CD244: variants seen among roughly 807,000 people sequenced by gnomAD.
CD244 encodes CD244 molecule, also known as natural killer cell receptor 2B4.
In CD244, 20 loss-of-function variants were observed where a neutral mutation model predicts 45.5. The ratio of observed to expected loss-of-function variants is 0.44; its 90% confidence interval spans 0.31 to 0.64. CD244 has a LOEUF of 0.64. Ranked by LOEUF, CD244 falls within the 30% of genes least tolerant of loss-of-function variation. The probability of loss-of-function intolerance (pLI) is 0.08; values close to 1 mark genes in which losing one functional copy is unlikely to be tolerated. For missense variants in CD244, 407 were observed against 426.9 expected (o/e 0.95, Z 0.41); for synonymous variants, 185 against 160.5 (o/e 1.15, Z -1.15).
chr1:160,862,123 G>A (rs950011530), intron 1 of CD244, among the ~76,000 whole-genome samples: 15 of 152,156 alleles, frequency 9.9e-5, no homozygotes, highest in African/African-American at 3.1e-4. Context: ...TGAAGAAGCC[G>A]GGGAGATGAG....
chr1:160,840,823 G>A (rs1669515297), intron 3 of CD244, among the ~76,000 whole-genome samples: 1 of 152,182 alleles, frequency 6.6e-6, no homozygotes. Flanking sequence ...CTGCTGCACA[G>A]TGTAGTTACC....
chr1:160,841,125 C>T, intron 3 of CD244, 85 bp downstream of exon 3: 1 of 1,369,668 alleles, frequency 7.3e-7, no homozygotes, highest in Non-Finnish European at 1.0e-6. Flanking sequence ...GGGATTTTAT[C>T]TCATACCACA....
Position 160,862,743 on chromosome 1 carries a change from C to T in CD244, c.-66G>A. The T allele has an allele frequency of 7.0e-7, 1 of 1,425,680 alleles. No individual in the cohort carries two copies. The highest frequency in any genetic ancestry group is 9.8e-7 in the Non-Finnish European group (1 of 1,018,620). 88.3% of individuals were successfully genotyped at this position (1,425,680 alleles called of 1,614,324 possible). ...CCAGACTCTCTGCCGTGCACGGGCT[C>T]AGCAGTCCCCAGTCAGCAAGAGGAC... On this transcript the variant is annotated 5_prime_UTR_variant, in exon 1 of 9. Coordinates refer to ENST00000368034, the MANE Select transcript of CD244 (RefSeq NM_016382.4).
rs189590359 is a variant in CD244 at position 160,834,356 on chromosome 1, T to G, written c.895-240A>C. Among the ~76,000 whole-genome samples the G allele has an allele frequency of 6.2e-4, 95 of 152,296 alleles. 1 individual carries two copies. Among genetic ancestry groups the G allele is most frequent in the Admixed American group, 2.3e-3 (35 of 15,296 alleles). ...ACATGTATTCTCCTCTAACTGTTTT[T>G]TTGTTTATTTGTTTTTGAGACAAGA... On this transcript the variant is annotated intron_variant, in intron 6 of 8. Coordinates refer to ENST00000368034, the MANE Select transcript of CD244 (RefSeq NM_016382.4).
chr1:160,850,294 G>T (rs913995987), intron 1 of CD244, among the ~76,000 whole-genome samples: 16 of 152,022 alleles, frequency 1.1e-4, no homozygotes, highest in Admixed American at 2.0e-4. Flanking sequence ...TACACCTATT[G>T]CAACAAAAGA....
At chr1:160,856,022 G>A (rs1054455923) in intron 1 of CD244, among the ~76,000 whole-genome samples, 2 of 152,184 alleles carry the variant, frequency 1.3e-5, no homozygotes, top group Non-Finnish European at 2.9e-5. Flanking sequence ...GGGTCTCAGA[G>A]CAAGTGGAAT....
chr1:160,851,411 A>C (rs1669914954), intron 1 of CD244, among the ~76,000 whole-genome samples: 1 of 152,176 alleles, frequency 6.6e-6, no homozygotes, highest in African/African-American at 2.4e-5. Context: ...TTGAAAACCA[A>C]ATATATATTT....
At chr1:160,849,587 G>A (rs1034516932) in intron 1 of CD244, among the ~76,000 whole-genome samples, 3 of 152,130 alleles carry the variant, frequency 2.0e-5, no homozygotes, top group Admixed American at 6.6e-5. Context: ...TGCTGAGAAC[G>A]ATGGCTTCCA....
intron 1 of CD244, among the ~76,000 whole-genome samples, chr1:160,854,794 T>C (rs1670049785): frequency 6.6e-6 from 1 of 152,170 alleles, no homozygotes; most frequent in Non-Finnish European, 1.5e-5. Context: ...TTTTATGTAA[T>C]ATTATATTAG....
At chr1:160,838,075 G>A (rs1262267688) in intron 5 of CD244, among the ~76,000 whole-genome samples, 1 of 152,224 alleles carries the variant, frequency 6.6e-6, no homozygotes, top group African/African-American at 2.4e-5. Flanking sequence ...CCCAGCCTGT[G>A]TCACCATTAA....
In CD244 at chr1:160,841,684, G is replaced by A; in HGVS notation, c.279C>T (p.Leu93=). 1 of 1,614,184 alleles carries A rather than the reference G, an allele frequency of 6.2e-7. No homozygotes were observed. The change falls in exon 2 of 9, where the codon CTC becomes CTT. Residue 93 remains leucine (L), a synonymous_variant. Transcript: ENST00000368034. ...TGTCCTGCTGCTGAGCTGCCTTGATGAGAAGACTCAAGTTCTTGACTATAA... is the reference window on the plus strand; with the variant it reads ...TGTCCTGCTGCTGAGCTGCCTTGATAAGAAGACTCAAGTTCTTGACTATAA... The part of the protein sequence containing the change: ...FSFIVKNLSL[L]IKAAQQQDSG...
intron 1 of CD244, among the ~76,000 whole-genome samples, chr1:160,861,325 C>T (rs1557848025): frequency 1.3e-5 from 2 of 152,212 alleles, no homozygotes; most frequent in Non-Finnish European, 2.9e-5. Flanking sequence ...TGAGCCTTGA[C>T]TGTGTCTTCC....
intron 1 of CD244, among the ~76,000 whole-genome samples, chr1:160,858,040 C>A (rs1670170327): frequency 6.6e-6 from 1 of 150,390 alleles, no homozygotes; most frequent in African/African-American, 2.5e-5. Flanking sequence ...GAGCAAGACC[C>A]TGTCTCACAA....
At chr1:160,856,701 T>C (rs570834503) in intron 1 of CD244, among the ~76,000 whole-genome samples, 1 of 152,296 alleles carries the variant, frequency 6.6e-6, no homozygotes, top group East Asian at 1.9e-4. Context: ...AGACATCTGT[T>C]TCATCTTTGT....
chr1:160,835,064 G>A (rs1669282112), intron 6 of CD244, among the ~76,000 whole-genome samples: 1 of 152,052 alleles, frequency 6.6e-6, no homozygotes, highest in Non-Finnish European at 1.5e-5. Context: ...CCACAGCTCA[G>A]CCACCAAACT....
rs754628917 is a variant in CD244 at position 160,841,906 on chromosome 1, G to T, written c.62-5C>A. The T allele has an allele frequency of 4.3e-6, 7 of 1,612,734 alleles. No homozygotes were observed. On this transcript the variant is annotated splice_polypyrimidine_tract_variant and splice_region_variant and intron_variant, in intron 1 of 8. Coordinates refer to ENST00000368034, the MANE Select transcript of CD244 (RefSeq NM_016382.4). ...GGTCAGCTGATCCCTGGCATCCTAGGAAAGAGAACCCAAGCTGAAAGTAGC... is the reference window on the plus strand; with the variant it reads ...GGTCAGCTGATCCCTGGCATCCTAGTAAAGAGAACCCAAGCTGAAAGTAGC...
chr1:160,835,585 T>C (rs1049834372), intron 6 of CD244, among the ~76,000 whole-genome samples: 1 of 152,100 alleles, frequency 6.6e-6, no homozygotes, highest in Non-Finnish European at 1.5e-5. Context: ...GCACTCAGCC[T>C]GGTAGACAGA....
chr1:160,847,439 T>C (rs2101881601), intron 1 of CD244, among the ~76,000 whole-genome samples: 1 of 152,260 alleles, frequency 6.6e-6, no homozygotes, highest in Middle Eastern at 3.4e-3. Flanking sequence ...CAAAGTATTA[T>C]CATATGCTGT....
chr1:160,832,620 C>T (rs1669166454), intron 7 of CD244, 45 bp from the exon 8 acceptor site: 5 of 1,607,674 alleles, frequency 3.1e-6, no homozygotes, highest in African/African-American at 2.7e-5. Context: ...GAGATAAGTG[C>T]TCTCCCACTC....
Sources: gnomAD v4.1 joint callset for allele counts (sites outside exome capture counted in the v4.1 genomes callset) on GRCh38, gnomAD v4.1.1 for gene constraint, MANE v1.5 for transcripts, NCBI Gene and HGNC (gene_info 2026-07-23, HGNC 2026-07-21) for gene names.